Variants in ERP44 observed in about 807,000 individuals in gnomAD.
ERP44 encodes the protein endoplasmic reticulum protein 44, also known as endoplasmic reticulum resident protein 44.
ERP44 carries 25 observed loss-of-function variants against 53.4 expected under a neutral mutation model. The ratio of observed to expected loss-of-function variants is 0.47; its 90% CI spans 0.34 to 0.65. The LOEUF (loss-of-function observed/expected upper bound fraction) is 0.65, where lower values mean the gene tolerates loss of function less well. Among genes scored for constraint, ERP44 ranks in the 30% least tolerant of loss-of-function variants. The pLI is 0.01. For missense variants in ERP44, 338 were observed against 493.2 expected, an observed-to-expected ratio of 0.69 and a Z score of 2.98; for synonymous variants, 145 against 161.2, an observed-to-expected ratio of 0.90 and a Z score of 0.76.
At chr9:100,050,025 C>A (rs1826019333) in intron 4 of ERP44, among the ~76,000 whole-genome samples, 1 of 139,360 alleles carries the variant, frequency 7.2e-6, no homozygotes, top group South Asian at 2.6e-4. Context: ...TCAAAATAAA[C>A]ATACTAAGTC....
chr9:100,000,047 T>C (rs1293624257), intron 10 of ERP44, among the ~76,000 whole-genome samples: 1 of 152,174 alleles, frequency 6.6e-6, no homozygotes, highest in Non-Finnish European at 1.5e-5. Context: ...TAGGATTTTG[T>C]TGAGGACTTT....
Position 99,983,551 on chromosome 9 carries a change from C to CAAAAAA in ERP44, c.1120-844_1120-839dup, listed in dbSNP as rs59132233. Among the ~76,000 whole-genome samples the CAAAAAA allele has an allele frequency of 9.4e-3, 621 of 66,042 alleles. 2 individuals are homozygous for CAAAAAA. The highest frequency in any genetic ancestry group is 0.012 in the African/African-American group (180 of 14,512). The allele number at this position is 66,042 out of a possible 152,430, so 43.3% of individuals were successfully genotyped here. ...TGGGCGACAGAGCGAGACTCCGTCT[C>CAAAAAA]AAAAAAAAAAAAAAAAAAAAAAAAG... On this transcript the variant is annotated intron_variant, in intron 11 of 11. Coordinates refer to ENST00000262455, the MANE Select transcript of ERP44 (RefSeq NM_015051.3).
intron 3 of ERP44, among the ~76,000 whole-genome samples, chr9:100,052,866 T>G (rs1826052741): frequency 6.6e-6 from 1 of 152,206 alleles, no homozygotes; most frequent in Non-Finnish European, 1.5e-5. Flanking sequence ...TGTTAGGATT[T>G]GTAACTACTG....
At chr9:100,084,881 T>C (rs1350967332) in intron 1 of ERP44, among the ~76,000 whole-genome samples, 1 of 152,186 alleles carries the variant, frequency 6.6e-6, no homozygotes, top group Non-Finnish European at 1.5e-5. Flanking sequence ...GAAAGGGGTA[T>C]TCCCCAAATA....
intron 1 of ERP44, among the ~76,000 whole-genome samples, chr9:100,067,472 C>T (rs980226443): frequency 6.6e-6 from 1 of 152,232 alleles, no homozygotes; most frequent in African/African-American, 2.4e-5. Context: ...GGATTGCAGA[C>T]GGAGTCTGGT....
rs191772569 is a variant in ERP44, at chr9:99,982,568, G to T, written c.*44C>A. On this transcript the variant is annotated 3_prime_UTR_variant, in exon 12 of 12. Coordinates refer to ENST00000262455, the MANE Select transcript of ERP44 (RefSeq NM_015051.3). ...TAGGTTTACTATTTCCACCACGTAG[G>T]TTGATGCTGCTGTTGAAAGGCTTAC... 5.2e-6 allele frequency: 5 copies of T among 954,608 alleles called. No homozygotes were observed. In the African/African-American group the frequency reaches 8.4e-5, roughly 16 times the overall value. The allele number at this position is 954,608 out of a possible 1,614,324, so 59.1% of individuals were successfully genotyped here. A position where few individuals can be genotyped will look rare whatever the true frequency, so the allele number is the denominator to read the frequency against.
At chr9:100,006,200 T>A (rs1175064079) in intron 10 of ERP44, among the ~76,000 whole-genome samples, 2 of 152,206 alleles carry the variant, frequency 1.3e-5, no homozygotes, top group South Asian at 4.1e-4. Flanking sequence ...AATGAAGAGC[T>A]AATTTCTCAC....
chr9:100,086,579 G>A (rs566854916), intron 1 of ERP44, among the ~76,000 whole-genome samples: 71 of 152,158 alleles, frequency 4.7e-4, no homozygotes, highest in Non-Finnish European at 9.1e-4. Flanking sequence ...ATCATACAAT[G>A]TCCTTTACAT....
chr9:100,041,544 T>C (rs1372763112), intron 4 of ERP44, among the ~76,000 whole-genome samples: 2 of 152,094 alleles, frequency 1.3e-5, no homozygotes, highest in Non-Finnish European at 2.9e-5. Context: ...GGCACGTGCC[T>C]GTAGTCCCAG....
intron 8 of ERP44, among the ~76,000 whole-genome samples, chr9:100,011,047 G>T (rs1830471386): frequency 6.6e-6 from 1 of 151,808 alleles, no homozygotes; most frequent in Non-Finnish European, 1.5e-5. Flanking sequence ...CAAATATAAA[G>T]AAATATTTTT....
intron 10 of ERP44, among the ~76,000 whole-genome samples, chr9:100,000,913 T>G (rs1830369427): frequency 6.6e-6 from 1 of 152,172 alleles, no homozygotes; most frequent in Non-Finnish European, 1.5e-5. Flanking sequence ...GTTTGTTCTT[T>G]TTCTAGTTCC....
chr9:100,025,650 T>G (rs182748992), intron 4 of ERP44, among the ~76,000 whole-genome samples: 65 of 152,294 alleles, frequency 4.3e-4, no homozygotes, highest in African/African-American at 1.4e-3. Flanking sequence ...ACAACTGACT[T>G]GTGATATACT....
Position 99,979,823 on chromosome 9 carries a change from G to T in ERP44, c.*2789C>A. On this transcript the variant is annotated 3_prime_UTR_variant, in exon 12 of 12. Transcript: ENST00000262455. ...TCAGAGGGGGAACAAGTCTAAATTT[G>T]AGACGTGCTTCCACACTATTCTTTC... is the stretch of plus-strand genomic sequence containing the variant. The T allele has an allele frequency of 2.5e-6, 1 of 395,166 alleles. No homozygotes were observed. Among genetic ancestry groups the T allele is most frequent in the Non-Finnish European group, 4.5e-6 (1 of 224,344 alleles). The allele number at this position is 395,166 out of a possible 1,614,324, so 24.5% of individuals were successfully genotyped here.
chr9:100,057,728 T>A, intron 3 of ERP44, 92 bp downstream of exon 3: 1 of 909,424 alleles, frequency 1.1e-6, no homozygotes, highest in Non-Finnish European at 1.8e-6. Context: ...TGTCTTGAAA[T>A]AGAAAAAGCC....
intron 8 of ERP44, among the ~76,000 whole-genome samples, chr9:100,011,590 G>C (rs542604732): frequency 2.0e-5 from 3 of 152,078 alleles, no homozygotes; most frequent in African/African-American, 7.2e-5. Context: ...TGTGTCATGG[G>C]GGGTAATGAC....
At chr9:100,012,291 T>A (rs758321095) in intron 8 of ERP44, among the ~76,000 whole-genome samples, 5 of 152,202 alleles carry the variant, frequency 3.3e-5, no homozygotes, top group Non-Finnish European at 5.9e-5. Context: ...TCTAGTGCAA[T>A]AGAGCCTGAT....
chr9:100,065,272 C>G (rs192388062), intron 1 of ERP44, among the ~76,000 whole-genome samples: 1 of 152,162 alleles, frequency 6.6e-6, no homozygotes, highest in Non-Finnish European at 1.5e-5. Flanking sequence ...CATTAACATA[C>G]TATACAAGTA....
At chr9:100,076,445 G>A (rs1024233135) in intron 1 of ERP44, among the ~76,000 whole-genome samples, 2 of 152,174 alleles carry the variant, frequency 1.3e-5, no homozygotes, top group South Asian at 2.1e-4. Flanking sequence ...TTCACAGATG[G>A]TTCTGCATGA....
intron 4 of ERP44, among the ~76,000 whole-genome samples, chr9:100,030,396 C>T (rs1315492589): frequency 1.3e-5 from 2 of 151,974 alleles, no homozygotes; most frequent in African/African-American, 4.8e-5. Flanking sequence ...GTGGGGTATC[C>T]GGGTAAAGGA....
Sources: allele counts gnomAD v4.1 joint callset (sites outside exome capture counted in the v4.1 genomes callset), GRCh38; gene constraint gnomAD v4.1.1; transcripts MANE v1.5; gene names NCBI Gene and HGNC (gene_info 2026-07-23, HGNC 2026-07-21).